CDH8: variants seen among roughly 807,000 people sequenced by gnomAD.
CDH8 encodes cadherin-8.
CDH8 carries 17 observed loss-of-function variants against 68.1 expected under a neutral mutation model. The observed-to-expected ratio is 0.25, with a 90% CI of 0.17 to 0.37. The LOEUF is 0.37. Among genes scored for constraint, CDH8 ranks in the 10% least tolerant of loss-of-function variants. The pLI is 1.00. For missense variants in CDH8, 763 were observed against 999.3 expected, an observed-to-expected ratio of 0.76 and a Z score of 3.19; for synonymous variants, 372 against 365.1, an observed-to-expected ratio of 1.02 and a Z score of -0.21.
At chr16:61,967,637 T>G (rs1470960311) in intron 2 of CDH8, among the ~76,000 whole-genome samples, 3 of 152,178 alleles carry the variant, frequency 2.0e-5, no homozygotes, top group Admixed American at 2.0e-4. Flanking sequence ...TAATTTTTGA[T>G]GAAACAGAGT....
chr16:61,649,220 G>T lies in CDH8; in HGVS notation c.*4388C>A, dbSNP rs1171132526. 6.6e-6 allele frequency: 1 copy of T among 151,824 alleles called. No individual in the cohort carries two copies. The highest frequency in any genetic ancestry group is 6.6e-5 in the Admixed American group (1 of 15,212). 9.4% of individuals were successfully genotyped at this position (151,824 alleles called of 1,614,324 possible). ...ATTTAATTCTAATCCCAGGTATTAT[G>T]AGCCATTATTCTGTTCACAAATAAA... is the stretch of plus-strand genomic sequence containing the variant. On this transcript the variant is annotated 3_prime_UTR_variant, in exon 12 of 12. Transcript: ENST00000577390.
At chr16:61,697,770 C>T (rs889588393) in intron 10 of CDH8, among the ~76,000 whole-genome samples, 3 of 152,140 alleles carry the variant, frequency 2.0e-5, no homozygotes, top group African/African-American at 4.8e-5. Context: ...AGATAACAGG[C>T]GTAAGCCATT....
At chr16:61,686,458 T>C (rs1964109440) in intron 10 of CDH8, among the ~76,000 whole-genome samples, 1 of 151,918 alleles carries the variant, frequency 6.6e-6, no homozygotes, top group African/African-American at 2.4e-5. Context: ...AAATCAGCAG[T>C]TGGTTTGTGT....
intron 8 of CDH8, among the ~76,000 whole-genome samples, chr16:61,767,381 A>G (rs996694897): frequency 2.6e-5 from 4 of 151,964 alleles, no homozygotes; most frequent in Non-Finnish European, 5.9e-5. Context: ...TAGCTGAATG[A>G]TCTTCAGGAA....
In CDH8 at chr16:61,825,197, AG is replaced by A; in HGVS notation, c.668-19del. 1 of 1,594,578 alleles carries A rather than the reference AG, an allele frequency of 6.3e-7. No homozygotes were observed. Among genetic ancestry groups the A allele is most frequent in the Non-Finnish European group, 8.5e-7 (1 of 1,170,000 alleles). On this transcript the variant is annotated intron_variant, in intron 4 of 11. Transcript: ENST00000577390. ...TATAATAGCTGAGGGGGAAAATGGA[AG>A]AATGACTTTCAGTCACAGAGCTAAT...
chr16:61,854,103 C>T (rs1045128575), intron 4 of CDH8, among the ~76,000 whole-genome samples: 3 of 146,476 alleles, frequency 2.0e-5, no homozygotes, highest in South Asian at 4.2e-4. Context: ...TATAAGTACG[C>T]ACACACACAT....
At chr16:61,853,669 C>T (rs1597018994) in intron 4 of CDH8, among the ~76,000 whole-genome samples, 1 of 152,200 alleles carries the variant, frequency 6.6e-6, no homozygotes, top group East Asian at 1.9e-4. Context: ...ATGTAAAGAA[C>T]CATCTTATTA....
At chr16:61,885,018 C>T (rs907811176) in intron 3 of CDH8, among the ~76,000 whole-genome samples, 5 of 152,052 alleles carry the variant, frequency 3.3e-5, no homozygotes, top group African/African-American at 9.7e-5. Context: ...ACAAGATAAA[C>T]GAATATAAGA....
chr16:61,781,132 G>A, intron 8 of CDH8, among the ~76,000 whole-genome samples: 1 of 152,158 alleles, frequency 6.6e-6, no homozygotes, highest in East Asian at 1.9e-4. Context: ...CAATGCCCTG[G>A]AGCATCTATT....
intron 2 of CDH8, among the ~76,000 whole-genome samples, chr16:62,005,659 C>A (rs952839909): frequency 2.7e-5 from 4 of 150,524 alleles, no homozygotes; most frequent in Non-Finnish European, 5.9e-5. Context: ...TCACTTGAAC[C>A]CGGGAGGCGG....
Position 61,901,312 on chromosome 16 carries a change from T to C in CDH8, c.414A>G (p.Ala138=). 6.2e-7 allele frequency: 1 copy of C among 1,614,050 alleles called. No homozygotes were observed. Among genetic ancestry groups the C allele is most frequent in the Non-Finnish European group, 8.5e-7 (1 of 1,179,972 alleles). ...EKAEYTLTAQ[A]VDWETSKPLE... The stretch of plus-strand genomic sequence containing the variant: ...GAGGTTTGCTTGTCTCCCAGTCCAC[T>C]GCTTGAGCTGTTAGGGTATACTCAG... Residue 138 remains alanine (A), a synonymous_variant, in exon 3 of 12, where the codon GCA becomes GCG. Coordinates refer to ENST00000577390, the MANE Select transcript of CDH8 (RefSeq NM_001796.5).
intron 2 of CDH8, among the ~76,000 whole-genome samples, chr16:61,963,577 C>T (rs781428358): frequency 9.2e-5 from 14 of 152,172 alleles, no homozygotes; most frequent in Non-Finnish European, 1.8e-4. Context: ...AGGTGTTAAT[C>T]TCCCTTTTTA....
intron 2 of CDH8, among the ~76,000 whole-genome samples, chr16:61,958,295 T>G (rs1419362540): frequency 6.6e-6 from 1 of 152,198 alleles, no homozygotes; most frequent in Non-Finnish European, 1.5e-5. Context: ...AAAGCAAGCA[T>G]GCAGCCTTGA....
chr16:61,917,835 C>G (rs1964268740), intron 2 of CDH8, among the ~76,000 whole-genome samples: 1 of 152,046 alleles, frequency 6.6e-6, no homozygotes, highest in Non-Finnish European at 1.5e-5. Context: ...CAGGAACTGC[C>G]TCTGTGAGGA....
At chr16:61,983,747 T>G (rs571315769) in intron 2 of CDH8, among the ~76,000 whole-genome samples, 5 of 152,290 alleles carry the variant, frequency 3.3e-5, no homozygotes, top group African/African-American at 1.2e-4. Context: ...GATATTTATT[T>G]CTCACAGTTC....
At chr16:61,677,410 C>T (rs1963934381) in intron 10 of CDH8, among the ~76,000 whole-genome samples, 1 of 151,744 alleles carries the variant, frequency 6.6e-6, no homozygotes, top group African/African-American at 2.4e-5. Flanking sequence ...CAAATGGGCT[C>T]CATTTACTTT....
intron 7 of CDH8, among the ~76,000 whole-genome samples, chr16:61,807,624 GA>G (rs1961826235): frequency 6.6e-6 from 1 of 152,206 alleles, no homozygotes; most frequent in Non-Finnish European, 1.5e-5. Context: ...GGATGCCAGA[GA>G]TGTGAGGGGC....
At chr16:61,953,678 G>A (rs1324741691) in intron 2 of CDH8, among the ~76,000 whole-genome samples, 3 of 151,200 alleles carry the variant, frequency 2.0e-5, no homozygotes, top group Non-Finnish European at 4.4e-5. Flanking sequence ...GACCAGCCTG[G>A]GCAACTTGGC....
intron 3 of CDH8, among the ~76,000 whole-genome samples, chr16:61,899,903 G>A (rs1287725093): frequency 6.7e-6 from 1 of 148,472 alleles, no homozygotes; most frequent in East Asian, 2.0e-4. Context: ...AAAATATCAG[G>A]ACCACATTTG....
Sources: allele counts gnomAD v4.1 joint callset (sites outside exome capture counted in the v4.1 genomes callset), GRCh38; gene constraint gnomAD v4.1.1; transcripts MANE v1.5; gene names NCBI Gene and HGNC (gene_info 2026-07-23, HGNC 2026-07-21).